The following MAST4 variants were observed in gnomAD, a reference collection of about 807,000 sequenced individuals.
The protein encoded by MAST4 is microtubule associated serine/threonine kinase family member 4, also known as microtubule-associated serine/threonine-protein kinase 4.
MAST4 carries 89 observed loss-of-function variants against 162.7 expected under a neutral mutation model. The observed-to-expected ratio is 0.55, with a 90% CI of 0.46 to 0.65. The LOEUF (loss-of-function observed/expected upper bound fraction) is 0.65. Among genes scored for constraint, MAST4 ranks in the 30% least tolerant of loss-of-function variants. The pLI, the probability that MAST4 is intolerant of heterozygous loss-of-function variation, is 0.00. For synonymous variants in MAST4, 1,479 were observed against 1,361.1 expected (o/e 1.09, Z -1.91); for missense variants, 3,153 against 3,374.0 (o/e 0.93, Z 1.62).
At chr5:66,606,728 A>G (rs1307016119) in intron 1 of MAST4, among the ~76,000 whole-genome samples, 1 of 152,176 alleles carries the variant, frequency 6.6e-6, no homozygotes, top group Non-Finnish European at 1.5e-5. Flanking sequence ...AAACCATGTC[A>G]TATCAACTCA....
chr5:67,078,550 G>A (rs959203890), intron 5 of MAST4, among the ~76,000 whole-genome samples: 3 of 148,684 alleles, frequency 2.0e-5, no homozygotes, highest in African/African-American at 7.4e-5. Context: ...TAATTGTATA[G>A]CAAAACATTA....
rs150699675 is a variant in MAST4, at chr5:66,971,254, T to A, written c.674+71272T>A. ...CTTGTGGAGCCCGATATTACTTTTT[T>A]AAAATTTTGTTTTAGACAGAGCCTA... On this transcript the variant is annotated intron_variant, in intron 4 of 28. Transcript: ENST00000403625. Among the ~76,000 whole-genome samples the A allele has an allele frequency of 7.0e-3, 1,071 of 152,308 alleles. 13 individuals carry two copies. The highest frequency in any genetic ancestry group is 0.061 in the Middle Eastern group (18 of 294).
chr5:66,962,784 G>A (rs1715488381), intron 4 of MAST4, among the ~76,000 whole-genome samples: 1 of 152,170 alleles, frequency 6.6e-6, no homozygotes, highest in African/African-American at 2.4e-5. Flanking sequence ...CAGTCTTAGA[G>A]TTGGGGCAAG....
chr5:66,899,880 A>C (rs1464357029), intron 3 of MAST4, 71 bp from the exon 4 acceptor site: 1 of 1,205,952 alleles, frequency 8.3e-7, no homozygotes, highest in Non-Finnish European at 1.1e-6. Flanking sequence ...ATTCTACGTT[A>C]TCCATTTGGT....
intron 3 of MAST4, among the ~76,000 whole-genome samples, chr5:66,842,396 T>C (rs1436144217): frequency 1.3e-5 from 2 of 152,154 alleles, no homozygotes; most frequent in Non-Finnish European, 2.9e-5. Flanking sequence ...GAAAAATGTT[T>C]TGATGTGTTG....
At chr5:67,095,994 C>A (rs562528780) in intron 7 of MAST4, among the ~76,000 whole-genome samples, 42 of 152,106 alleles carry the variant, frequency 2.8e-4, no homozygotes, top group African/African-American at 8.4e-4. Context: ...TGCTTTGGTT[C>A]CATGCCAGTG....
chr5:66,834,473 C>T (rs1264459852), intron 3 of MAST4, among the ~76,000 whole-genome samples: 1 of 152,036 alleles, frequency 6.6e-6, no homozygotes, highest in Non-Finnish European at 1.5e-5. Flanking sequence ...GAAAGGGAGC[C>T]CATGGATGTT....
intron 4 of MAST4, among the ~76,000 whole-genome samples, chr5:66,975,643 G>A (rs180982208): frequency 6.6e-6 from 1 of 152,248 alleles, no homozygotes; most frequent in East Asian, 1.9e-4. Context: ...AAAATAGTGA[G>A]AGAGTCAGAA....
intron 3 of MAST4, among the ~76,000 whole-genome samples, chr5:66,864,906 A>AGGTTGAGGACACTGGAAGTAAGAAAGG (rs1760391730): frequency 6.6e-6 from 1 of 152,174 alleles, no homozygotes; most frequent in Non-Finnish European, 1.5e-5. Context: ...GGCTTAGATG[A>AGGTTGAGGACACTGGAAGTAAGAAAGG]GGTTGAGGAC....
At chr5:66,742,341 G>T (rs1399235687) in intron 1 of MAST4, among the ~76,000 whole-genome samples, 1 of 152,140 alleles carries the variant, frequency 6.6e-6, no homozygotes, top group Admixed American at 6.5e-5. Context: ...TGGGGTTCTT[G>T]TGTATTGGTG....
chr5:66,900,799 T>C lies in MAST4; in HGVS notation c.674+817T>C, dbSNP rs142921708. ...AAAATATATGGCAACTGTTGAAATA[T>C]AGGATTTATTCTAGGCTAAATTTTG... On this transcript the variant is annotated intron_variant, in intron 4 of 28. Transcript: ENST00000403625. Among the ~76,000 whole-genome samples the C allele has an allele frequency of 5.2e-4, 79 of 152,260 alleles. 1 individual carries two copies. The East Asian group carries it at 0.013, about 26-fold the overall frequency.
chr5:66,907,208 T>G (rs1356200048), intron 4 of MAST4, among the ~76,000 whole-genome samples: 1 of 42,034 alleles, frequency 2.4e-5, no homozygotes, highest in Non-Finnish European at 5.1e-5. Context: ...AGAGAGAGAG[T>G]CCTGCTAGGA....
rs1759953147 is a variant in MAST4, at chr5:67,064,104, T to C, written c.763+9612T>C. The stretch of plus-strand genomic sequence containing the variant: ...GGCGATGTCAGTTGGAAGCCATTAA[T>C]TCACTGATGGTATTTAAAATAGTGA... On this transcript the variant is annotated intron_variant, in intron 5 of 28. Transcript: ENST00000403625. Among the ~76,000 whole-genome samples the C allele has an allele frequency of 2.6e-5, 4 of 152,184 alleles. No homozygotes were observed. In the South Asian group the frequency reaches 8.3e-4, roughly 32 times the overall value.
chr5:66,990,479 A>C (rs1749957038), intron 4 of MAST4, among the ~76,000 whole-genome samples: 1 of 152,118 alleles, frequency 6.6e-6, no homozygotes. Flanking sequence ...TCTACATAGA[A>C]TTTTTTAAAA....
chr5:66,656,515 G>T (rs1450645822), intron 1 of MAST4, among the ~76,000 whole-genome samples: 2 of 152,076 alleles, frequency 1.3e-5, no homozygotes, highest in Non-Finnish European at 2.9e-5. Flanking sequence ...CAGTCACAGG[G>T]TTATCTGGTC....
At chr5:66,787,133 T>A (rs149057586) in intron 2 of MAST4, among the ~76,000 whole-genome samples, 249 of 152,358 alleles carry the variant, frequency 1.6e-3, no homozygotes, top group African/African-American at 5.5e-3. Flanking sequence ...TCATTTTTAC[T>A]GCTGTTATGG....
At chr5:67,086,706 C>G (rs758177768) in intron 5 of MAST4, among the ~76,000 whole-genome samples, 9 of 152,160 alleles carry the variant, frequency 5.9e-5, no homozygotes, top group Non-Finnish European at 1.0e-4. Flanking sequence ...TTAACTGGCA[C>G]CAGTTTTCAT....
At chr5:67,078,925 T>TAAATAA (rs1561622330) in intron 5 of MAST4, among the ~76,000 whole-genome samples, 4 of 86,254 alleles carry the variant, frequency 4.6e-5, no homozygotes, top group African/African-American at 2.3e-4. Context: ...TATATATATA[T>TAAATAA]ATATATATAT....
chr5:66,719,429 C>CT (rs1751059290), intron 1 of MAST4, among the ~76,000 whole-genome samples: 1 of 152,118 alleles, frequency 6.6e-6, no homozygotes, highest in South Asian at 2.1e-4. Flanking sequence ...AAACTATCAG[C>CT]TGAGTAAACA....
Sources: allele counts gnomAD v4.1 joint callset (sites outside exome capture counted in the v4.1 genomes callset), GRCh38; gene constraint gnomAD v4.1.1; transcripts MANE v1.5; gene names NCBI Gene and HGNC (gene_info 2026-07-23, HGNC 2026-07-21).